Variants in TNS3 observed in about 807,000 individuals in gnomAD.
TNS3 encodes the protein tensin 3.
A neutral mutation model predicts 140.9 loss-of-function variants in TNS3; 45 were observed. The observed-to-expected ratio is 0.32, with a 90% CI of 0.25 to 0.41. TNS3 has a LOEUF of 0.41. TNS3 is among the 10% of genes least tolerant of loss of function. The probability of loss-of-function intolerance (pLI) is 1.00; values close to 1 mark genes in which losing one functional copy is unlikely to be tolerated. For synonymous variants in TNS3, 815 were observed against 788.4 expected (o/e 1.03, Z -0.56); for missense variants, 1,716 against 1,906.7 (o/e 0.90, Z 1.86).
rs559914838 is a variant in TNS3, at chr7:47,392,528, T to TAC, written c.1024+4270_1024+4271dup. ...AGGGGTGGAAAAGAGAGTGCCGCAA[T>TAC]ACATCATTTTCCCAGCTAAAAGAGA... On this transcript the variant is annotated intron_variant, in intron 16 of 30. Transcript: ENST00000311160. Among the ~76,000 whole-genome samples, 873 of 152,206 alleles carry TAC rather than the reference T, an allele frequency of 5.7e-3. 10 individuals are homozygous for TAC. The highest frequency in any genetic ancestry group is 7.1e-3 in the Non-Finnish European group (486 of 68,012).
chr7:47,559,091 C>T (rs188289813), intron 1 of TNS3, among the ~76,000 whole-genome samples: 2 of 152,222 alleles, frequency 1.3e-5, no homozygotes, highest in East Asian at 1.9e-4. Context: ...GTGGTTCACA[C>T]CTGTAATCCC....
At chr7:47,447,021 G>A (rs542490583) in intron 4 of TNS3, among the ~76,000 whole-genome samples, 1 of 119,928 alleles carries the variant, frequency 8.3e-6, no homozygotes, top group South Asian at 2.7e-4. Context: ...CCTTCTACAG[G>A]TCCTGGAGCT....
At chr7:47,344,686 T>TA (rs1789216980) in intron 20 of TNS3, 69 bp downstream of exon 20, 1 of 1,432,020 alleles carries the variant, frequency 7.0e-7, no homozygotes, top group African/African-American at 1.4e-5. Flanking sequence ...TTCTTCTCTG[T>TA]AAAAATGGCG....
Position 47,407,973 on chromosome 7 carries a change from G to GC in TNS3, c.723+3753_723+3754insG, listed in dbSNP as rs1297774328. Among the ~76,000 whole-genome samples the GC allele has an allele frequency of 6.6e-6, 1 of 152,206 alleles. No individual in the cohort carries two copies. The highest frequency in any genetic ancestry group is 2.4e-5 in the African/African-American group (1 of 41,466). ...GGGCCAGGGTGGGTGGACAGTGCTA[G>GC]ATCAGCAGGGCTTGGGGACAGAATG... On this transcript the variant is annotated intron_variant, in intron 13 of 30. Transcript: ENST00000311160. This position sits in a 1 kb window ranked among gnomAD's most constrained non-coding sequence, Gnocchi z 4.1.
Position 47,276,430 on chromosome 7 carries a change from A to G in TNS3, c.*1646T>C, listed in dbSNP as rs1784873028. 1 of 152,306 alleles carries G rather than the reference A, an allele frequency of 6.6e-6. No individual in the cohort carries two copies. The highest frequency in any genetic ancestry group is 1.5e-5 in the Non-Finnish European group (1 of 68,092). The allele number at this position is 152,306 out of a possible 1,614,324, so 9.4% of individuals were successfully genotyped here. ...CTTTAAAGCAGAGTTCACAAAGCAC[A>G]TTCCCAAACCCCAGCTCCCTGACAG... is the stretch of plus-strand genomic sequence containing the variant. On this transcript the variant is annotated 3_prime_UTR_variant, in exon 31 of 31. Coordinates refer to ENST00000311160, the MANE Select transcript of TNS3 (RefSeq NM_022748.12).
chr7:47,285,543 G>A (rs972270476), intron 27 of TNS3, among the ~76,000 whole-genome samples: 2 of 152,124 alleles, frequency 1.3e-5, no homozygotes, highest in Non-Finnish European at 2.9e-5. Context: ...ATGATCATGA[G>A]GCCTCCCCAG....
In TNS3 at chr7:47,332,852, C is replaced by T. The variant is rs1788418844; in HGVS notation, c.2650+11903G>A. Among the ~76,000 whole-genome samples the T allele has an allele frequency of 4.6e-5, 7 of 152,334 alleles. 1 individual carries two copies. The South Asian group carries it at 1.5e-3, about 32-fold the overall frequency. The stretch of plus-strand genomic sequence containing the variant: ...GACCAGAGCCACATCTGTCACCAAG[C>T]CCCAGGGCCAGCATCAAATCCTGTT... On this transcript the variant is annotated intron_variant, in intron 20 of 30. Transcript: ENST00000311160.
intron 1 of TNS3, among the ~76,000 whole-genome samples, chr7:47,545,861 A>G (rs887661046): frequency 3.7e-4 from 56 of 152,238 alleles, no homozygotes; most frequent in African/African-American, 1.4e-3. Context: ...AATCCCCTGC[A>G]GGAGCTGGTT....
chr7:47,495,171 A>ACAGAGC (rs1381229476), intron 3 of TNS3, among the ~76,000 whole-genome samples: 1 of 141,130 alleles, frequency 7.1e-6, no homozygotes, highest in Admixed American at 7.7e-5. Context: ...AGCCTGGGCG[A>ACAGAGC]CAGAGCCAGA....
chr7:47,397,308 T>C (rs1331688261), intron 15 of TNS3, among the ~76,000 whole-genome samples: 1 of 152,186 alleles, frequency 6.6e-6, no homozygotes, highest in Non-Finnish European at 1.5e-5. Flanking sequence ...TTTTTAGGAA[T>C]ACCAAGGGGA....
chr7:47,491,157 G>A (rs1031621057), intron 3 of TNS3, among the ~76,000 whole-genome samples: 12 of 152,296 alleles, frequency 7.9e-5, no homozygotes, highest in Admixed American at 4.6e-4. Context: ...GCAGCCTCTC[G>A]TCCATCTACG....
rs1562674997 is a variant in TNS3 at position 47,389,066 on chromosome 7, GAAGAAGAA to G, written c.1024+7726_1024+7733del. Among the ~76,000 whole-genome samples the G allele has an allele frequency of 3.4e-4, 26 of 76,892 alleles. 3 individuals are homozygous for G. The highest frequency in any genetic ancestry group is 5.2e-3 in the Middle Eastern group (1 of 192). The allele number at this position is 76,892 out of a possible 152,430, so 50.4% of individuals were successfully genotyped here. ...AGAAGAAGAAGAAGAAGAAGAAGAA[GAAGAAGAA>G]GAAGAAGAAGAGGAAGAGGAAGAGG... On this transcript the variant is annotated intron_variant, in intron 16 of 30. Coordinates refer to ENST00000311160, the MANE Select transcript of TNS3 (RefSeq NM_022748.12).
At position 47,474,117 on chromosome 7, in the gene TNS3, AACAC is replaced by A. The variant is rs35049083; in HGVS notation, c.-76+6982_-76+6985del. On this transcript the variant is annotated intron_variant, in intron 4 of 30. Transcript: ENST00000311160. Reference sequence around the variant, plus strand: ...AAGTAAAACATACTGAGCAAGTCTCAACACACACACACACACACACACACACACA... The same window carrying A: ...AAGTAAAACATACTGAGCAAGTCTCAACACACACACACACACACACACACA... Among the ~76,000 whole-genome samples, 161 of 145,328 alleles carry A rather than the reference AACAC, an allele frequency of 1.1e-3. 4 individuals carry two copies. The East Asian group carries it at 0.013, about 12-fold the overall frequency.
chr7:47,368,958 G>T lies in TNS3; in HGVS notation c.1688C>A (p.Pro563His). 6.2e-7 allele frequency: 1 copy of T among 1,613,838 alleles called. No homozygotes were observed. Among genetic ancestry groups the T allele is most frequent in the Non-Finnish European group, 8.5e-7 (1 of 1,179,970 alleles). Residue 563 changes from proline (P) to histidine (H), a missense_variant, in exon 17 of 31, where the codon CCC (proline) becomes CAC (histidine). Coordinates refer to ENST00000311160, the MANE Select transcript of TNS3 (RefSeq NM_022748.12). The part of the protein sequence containing the change: ...RTFGSREPKQ[P>H]QPLLRKPSVS... ...TGAGGGCTTTCTCAGCAGGGGCTGGGGCTGCTTGGGCTCTCGACTCCCAAA... is the reference window on the plus strand; with the variant it reads ...TGAGGGCTTTCTCAGCAGGGGCTGGTGCTGCTTGGGCTCTCGACTCCCAAA...
At chr7:47,537,938 A>G (rs1322525365) in intron 1 of TNS3, among the ~76,000 whole-genome samples, 1 of 151,644 alleles carries the variant, frequency 6.6e-6, no homozygotes, top group African/African-American at 2.4e-5. Context: ...GCACCTCCCT[A>G]TCTCCCAGCC....
chr7:47,414,696 G>A (rs776068486), intron 11 of TNS3, among the ~76,000 whole-genome samples: 139 of 152,280 alleles, frequency 9.1e-4, no homozygotes, highest in Admixed American at 1.8e-3. Context: ...GAGGAGATGG[G>A]TTCATGAGAT....
chr7:47,580,609 A>AC (rs762628321), intron 1 of TNS3, among the ~76,000 whole-genome samples: 16 of 75,264 alleles, frequency 2.1e-4, no homozygotes, highest in Non-Finnish European at 3.8e-4. Context: ...GCGACTCCCC[A>AC]CCCCCTCCCT....
chr7:47,446,789 C>T (rs1795763562), intron 4 of TNS3, among the ~76,000 whole-genome samples: 1 of 145,800 alleles, frequency 6.9e-6, no homozygotes, highest in Non-Finnish European at 1.5e-5. Flanking sequence ...ACTTCTCGGG[C>T]TCAGATCATC....
chr7:47,551,622 C>T (rs1007027040), intron 1 of TNS3, among the ~76,000 whole-genome samples: 1 of 152,190 alleles, frequency 6.6e-6, no homozygotes, highest in Non-Finnish European at 1.5e-5. Flanking sequence ...ATGAGAACTA[C>T]GAAAACATTC....
Sources: gnomAD v4.1 joint callset for allele counts (sites outside exome capture counted in the v4.1 genomes callset) on GRCh38, gnomAD v4.1.1 for gene constraint, Gnocchi (gnomAD v3.1) non-coding constraint, MANE v1.5 for transcripts, NCBI Gene and HGNC (gene_info 2026-07-23, HGNC 2026-07-21) for gene names.